The following ZNF563 variants were observed in gnomAD, a reference collection of about 807,000 sequenced individuals.
The protein encoded by ZNF563 is zinc finger protein 563.
In ZNF563, 39 loss-of-function variants were observed where a neutral mutation model predicts 48.5. The observed-to-expected ratio is 0.80, with a 90% CI of 0.62 to 1.05. The LOEUF is 1.05. Among genes scored for constraint, ZNF563 ranks in the 50% least tolerant of loss-of-function variants. The pLI, the probability that ZNF563 is intolerant of heterozygous loss-of-function variation, is 0.00. For synonymous variants in ZNF563, 168 were observed against 187.9 expected (o/e 0.89, Z 0.87); for missense variants, 538 against 597.0 (o/e 0.90, Z 1.03).
At position 12,318,248 on chromosome 19, in the gene ZNF563, C is replaced by T. The variant is rs1489976306; in HGVS notation, c.*346G>A. ...AATTCCTGAGGTCAAGCAATTTGCCCACCCTAAGTGCTGGGATTACAGGCG... is the reference window on the plus strand; with the variant it reads ...AATTCCTGAGGTCAAGCAATTTGCCTACCCTAAGTGCTGGGATTACAGGCG... On this transcript the variant is annotated 3_prime_UTR_variant, in exon 4 of 4. Coordinates refer to ENST00000293725, the MANE Select transcript of ZNF563 (RefSeq NM_145276.3). 2 of 257,240 alleles carry T rather than the reference C, an allele frequency of 7.8e-6. No individual in the cohort carries two copies. The highest frequency in any genetic ancestry group is 4.6e-5 in the African/African-American group (2 of 43,788). The allele number at this position is 257,240 out of a possible 1,614,324, so 15.9% of individuals were successfully genotyped here.
rs746370473 is a variant in ZNF563 at position 12,318,777 on chromosome 19, A to G, written c.1248T>C (p.Ser416=). Residue 416 remains serine, a synonymous_variant, in exon 4 of 4, where the codon AGT becomes AGC. Coordinates refer to ENST00000293725, the MANE Select transcript of ZNF563 (RefSeq NM_145276.3). ...SVCQRHEKSH[S]GEKPYECKQC... ...GCTTGCATTCATAGGGTTTCTCTCC[A>G]CTGTGAGACTTTTCGTGTCTTTGAC... 13 of 1,614,036 alleles carry G rather than the reference A, an allele frequency of 8.1e-6. No individual in the cohort carries two copies. Among genetic ancestry groups the G allele is most frequent in the Non-Finnish European group, 1.1e-5 (13 of 1,180,036 alleles).
rs770864840 is a variant in ZNF563, at chr19:12,319,121, T to C, written c.904A>G (p.Thr302Ala). The C allele has an allele frequency of 5.6e-6, 9 of 1,614,046 alleles. No homozygotes were observed. The highest frequency in any genetic ancestry group is 7.6e-6 in the Non-Finnish European group (9 of 1,180,040). The change falls in exon 4 of 4, where the codon ACT becomes GCT. Residue 302 changes from threonine to alanine, a missense_variant. By Grantham distance (58) the Thr-to-Ala change is moderately conservative. Transcript: ENST00000293725. ...TCATAGGGTTTCTCTGCACTGTGAG[T>C]GGTTTCATGTCTTCGAAGGGAACTG... ...VSSSLRRHET[T>A]HSAEKPYECK... is the part of the protein sequence containing the mutation.
chr19:12,332,385 C>T (rs1362349405), intron 1 of ZNF563, among the ~76,000 whole-genome samples: 2 of 131,356 alleles, frequency 1.5e-5, no homozygotes, highest in Non-Finnish European at 3.1e-5. Flanking sequence ...CTCTCTCTGT[C>T]GCCGGCCCAG....
At chr19:12,341,684 C>A in the ZNF563 span, among the ~76,000 whole-genome samples, 1 of 152,194 alleles carries the variant, frequency 6.6e-6, no homozygotes, top group South Asian at 2.1e-4. Context: ...AACATACTTG[C>A]ACTAAACAAC....
intron 1 of ZNF563, among the ~76,000 whole-genome samples, 167 bp from the exon 2 acceptor site, chr19:12,322,878 T>G (rs1265778040): frequency 6.6e-6 from 1 of 152,230 alleles, no homozygotes; most frequent in Non-Finnish European, 1.5e-5. Context: ...CACAGCCATT[T>G]TGATGGTAGA....
upstream of ZNF563, among the ~76,000 whole-genome samples, chr19:12,338,698 C>T (rs28814595): frequency 0.049 from 7,399 of 151,852 alleles, 595 homozygotes; most frequent in African/African-American, 0.17. Context: ...TATAAAAATA[C>T]AAAATTAGCC....
At chr19:12,329,924 T>G (rs1262768953) in intron 1 of ZNF563, among the ~76,000 whole-genome samples, 1 of 145,146 alleles carries the variant, frequency 6.9e-6, no homozygotes, top group African/African-American at 2.6e-5. Context: ...TCTTTTCTTT[T>G]CTTTTTTTTT....
At position 12,319,667 on chromosome 19, in the gene ZNF563, T is replaced by C; in HGVS notation, c.358A>G (p.Ser120Gly). Reference protein sequence around the residue: ...EVIMGHLSLNSHIRVDSGHKP... With the variant: ...EVIMGHLSLNGHIRVDSGHKP... ...TGTCCAGAATCAACTCTGATGTGGC[T>C]ATTAAGGGATAAATGACCCATTATG... is the stretch of plus-strand genomic sequence containing the variant. Residue 120 changes from serine to glycine, a missense_variant, in exon 4 of 4, where the codon AGC (serine) becomes GGC (glycine). Transcript: ENST00000293725. The C allele has an allele frequency of 6.2e-7, 1 of 1,614,212 alleles. No individual in the cohort carries two copies. The highest frequency in any genetic ancestry group is 2.2e-5 in the East Asian group (1 of 44,878).
the ZNF563 span, among the ~76,000 whole-genome samples, chr19:12,339,333 A>G: frequency 0.052 from 7,122 of 135,770 alleles, 597 homozygotes; most frequent in African/African-American, 0.19. Flanking sequence ...AGGCTGGAGT[A>G]CAATGGCGTG....
At chr19:12,332,215 G>C (rs1968936048) in intron 1 of ZNF563, among the ~76,000 whole-genome samples, 1 of 152,028 alleles carries the variant, frequency 6.6e-6, no homozygotes, top group Non-Finnish European at 1.5e-5. Flanking sequence ...TTAGGGAAAG[G>C]CTAAAGGGAA....
rs1278184677 is a variant in ZNF563 at position 12,319,773 on chromosome 19, A to C, written c.252T>G (p.Phe84Leu). 2 of 1,614,042 alleles carry C rather than the reference A, an allele frequency of 1.2e-6. No homozygotes were observed. Among genetic ancestry groups the C allele is most frequent in the Admixed American group, 3.3e-5 (2 of 59,980 alleles). Reference sequence around the variant, plus strand: ...TCACAATACTATCTCGAATGAGGCTAAATGTTTCTCCACACTGACTACTGT... The same window carrying C: ...TCACAATACTATCTCGAATGAGGCTCAATGTTTCTCCACACTGACTACTGT... ...SKDSSQCGET[F>L]SLIRDSIVNN... The change falls in exon 4 of 4, where the codon TTT (phenylalanine) becomes TTG (leucine). Residue 84 changes from phenylalanine to leucine, a missense_variant. Coordinates refer to ENST00000293725, the MANE Select transcript of ZNF563 (RefSeq NM_145276.3).
chr19:12,325,418 C>T (rs541494053), intron 1 of ZNF563, among the ~76,000 whole-genome samples: 103 of 144,836 alleles, frequency 7.1e-4, no homozygotes, highest in African/African-American at 2.6e-3. Flanking sequence ...TGTGGTGAGT[C>T]GAGATTGTGC....
At chr19:12,343,919 A>AC in the ZNF563 span, among the ~76,000 whole-genome samples, 1 of 151,576 alleles carries the variant, frequency 6.6e-6, no homozygotes, top group Non-Finnish European at 1.5e-5. Context: ...TTTAGTAGAG[A>AC]TGGGTTTCAC....
chr19:12,319,858 CTAAA>C (rs1354113375), intron 3 of ZNF563, 25 bp from the exon 4 acceptor site: 9 of 1,582,704 alleles, frequency 5.7e-6, no homozygotes, highest in Non-Finnish European at 6.9e-6. Flanking sequence ...TAGTACGTTA[CTAAA>C]TAGTTGTTTC....
At position 12,318,794 on chromosome 19, in the gene ZNF563, G is replaced by A; in HGVS notation, c.1231C>T (p.His411Tyr). 5.6e-6 allele frequency: 9 copies of A among 1,614,170 alleles called. No homozygotes were observed. Among genetic ancestry groups the A allele is most frequent in the Non-Finnish European group, 7.6e-6 (9 of 1,180,042 alleles). ...AFVYPSVCQR[H>Y]EKSHSGEKPY... ...TTCTCTCCACTGTGAGACTTTTCGTGTCTTTGACATACACTAGGATAAACA... is the reference window on the plus strand; with the variant it reads ...TTCTCTCCACTGTGAGACTTTTCGTATCTTTGACATACACTAGGATAAACA... Residue 411 changes from histidine to tyrosine, a missense_variant, in exon 4 of 4, where the codon CAC becomes TAC. By Grantham distance (83) the His-to-Tyr change is moderately conservative. Coordinates refer to ENST00000293725, the MANE Select transcript of ZNF563 (RefSeq NM_145276.3).
At chr19:12,346,980 T>C in the ZNF563 span, 365 of 152,292 alleles carry the variant, frequency 2.4e-3, 1 homozygote, top group African/African-American at 8.4e-3. Flanking sequence ...ACTAAGTAGA[T>C]AGAGCAAGTA....
chr19:12,345,525 T>C, the ZNF563 span, among the ~76,000 whole-genome samples: 19 of 152,366 alleles, frequency 1.2e-4, no homozygotes, highest in South Asian at 3.7e-3. Context: ...ACTGGATATC[T>C]ACATGCAAAT....
At chr19:12,338,224 A>G (rs1969038477), upstream of ZNF563, among the ~76,000 whole-genome samples, 1 of 152,158 alleles carries the variant, frequency 6.6e-6, no homozygotes, top group African/African-American at 2.4e-5. Flanking sequence ...TTTTACTGGC[A>G]GAATCTGTCT....
intron 1 of ZNF563, among the ~76,000 whole-genome samples, chr19:12,331,221 T>G (rs1020545913): frequency 1.3e-5 from 2 of 152,168 alleles, no homozygotes; most frequent in African/African-American, 4.8e-5. Context: ...TGAACAAATC[T>G]TTTCAAGGTT....
Sources: allele counts gnomAD v4.1 joint callset (sites outside exome capture counted in the v4.1 genomes callset), GRCh38; gene constraint gnomAD v4.1.1; transcripts MANE v1.5; gene names NCBI Gene and HGNC (gene_info 2026-07-23, HGNC 2026-07-21).